MYO1E: variants seen among roughly 807,000 people sequenced by gnomAD.
MYO1E encodes the protein unconventional myosin-Ie.
A neutral mutation model predicts 151.1 loss-of-function variants in MYO1E; 68 were observed. The observed-to-expected ratio is 0.45, with a 90% CI of 0.37 to 0.55. The LOEUF (loss-of-function observed/expected upper bound fraction) is 0.55. Ranked by LOEUF, MYO1E falls within the 20% of genes least tolerant of loss-of-function variation. The probability of loss-of-function intolerance (pLI) is 0.00; values close to 1 mark genes in which losing one functional copy is unlikely to be tolerated. For missense variants in MYO1E, 1,363 were observed against 1,389.3 expected (o/e 0.98, Z 0.30); for synonymous variants, 601 against 501.7 (o/e 1.20, Z -2.64).
At chr15:59,140,382 G>A (rs1228100375) in intron 26 of MYO1E, among the ~76,000 whole-genome samples, 2 of 152,084 alleles carry the variant, frequency 1.3e-5, no homozygotes, top group South Asian at 2.1e-4. Context: ...AAAGCATTTA[G>A]CAAAAACAAA....
intron 22 of MYO1E, 134 bp downstream of exon 22, chr15:59,171,763 G>A: frequency 1.7e-6 from 2 of 1,180,852 alleles, no homozygotes; most frequent in Non-Finnish European, 2.5e-6. Context: ...GGGACAAAGG[G>A]AAATTCCATT....
chr15:59,228,525 T>C (rs768908724), intron 6 of MYO1E, among the ~76,000 whole-genome samples: 4 of 151,204 alleles, frequency 2.6e-5, no homozygotes, highest in Non-Finnish European at 4.4e-5. Flanking sequence ...ACAATTATTA[T>C]ATATATTTCA....
intron 24 of MYO1E, among the ~76,000 whole-genome samples, chr15:59,160,786 G>C (rs763419819): frequency 6.6e-6 from 1 of 152,016 alleles, no homozygotes; most frequent in Non-Finnish European, 1.5e-5. Flanking sequence ...GACTGGAAAG[G>C]GAGGGGAAAT....
intron 1 of MYO1E, among the ~76,000 whole-genome samples, chr15:59,362,976 C>CT (rs34810328): frequency 0.049 from 6,225 of 127,524 alleles, 494 homozygotes; most frequent in African/African-American, 0.14. Context: ...GTATGACTTT[C>CT]TTTTTTTTTT....
At chr15:59,178,907 C>T (rs2079641882) in intron 18 of MYO1E, among the ~76,000 whole-genome samples, 1 of 152,228 alleles carries the variant, frequency 6.6e-6, no homozygotes, top group African/African-American at 2.4e-5. Flanking sequence ...CTGACTTCTT[C>T]AGGGCATTTA....
intron 9 of MYO1E, among the ~76,000 whole-genome samples, chr15:59,219,559 T>G (rs1292272191): frequency 8.5e-5 from 13 of 152,220 alleles, no homozygotes; most frequent in Admixed American, 8.5e-4. Context: ...GAATACATTT[T>G]GAAAAAGTAT....
intron 1 of MYO1E, among the ~76,000 whole-genome samples, chr15:59,357,196 G>A (rs1174871965): frequency 2.0e-5 from 3 of 151,286 alleles, no homozygotes; most frequent in Admixed American, 6.6e-5. Context: ...GTGAGCCACC[G>A]TGCCTGGTCC....
chr15:59,307,785 T>C (rs1596410182), intron 1 of MYO1E, among the ~76,000 whole-genome samples: 1 of 151,868 alleles, frequency 6.6e-6, no homozygotes. Flanking sequence ...TAACTTTCTA[T>C]CTTTAGTAGA....
chr15:59,339,766 CTGCT>C (rs1203647425), intron 1 of MYO1E, among the ~76,000 whole-genome samples: 1 of 152,194 alleles, frequency 6.6e-6, no homozygotes, highest in Middle Eastern at 3.2e-3. Context: ...GGCCTGAAGA[CTGCT>C]TGAGCCCAGG....
At chr15:59,328,733 C>T (rs1397397932) in intron 1 of MYO1E, among the ~76,000 whole-genome samples, 1 of 152,074 alleles carries the variant, frequency 6.6e-6, no homozygotes, top group Non-Finnish European at 1.5e-5. Context: ...CTGTAGAAGA[C>T]TCTGGTGTGG....
At position 59,251,577 on chromosome 15, in the gene MYO1E, C is replaced by T. The variant is rs566851303; in HGVS notation, c.332+4707G>A. On this transcript the variant is annotated intron_variant, in intron 4 of 27. Coordinates refer to ENST00000288235, the MANE Select transcript of MYO1E (RefSeq NM_004998.4). Reference sequence around the variant, plus strand: ...ATTACTGAGTTATGATAATGGTCTTCGGATCAGTAAGAAAATGTTTCAATT... The same window carrying T: ...ATTACTGAGTTATGATAATGGTCTTTGGATCAGTAAGAAAATGTTTCAATT... Among the ~76,000 whole-genome samples, 20 of 152,160 alleles carry T rather than the reference C, an allele frequency of 1.3e-4. No individual in the cohort carries two copies. The East Asian group carries it at 1.7e-3, about 13-fold the overall frequency.
chr15:59,276,286 C>T (rs536439819), intron 1 of MYO1E, among the ~76,000 whole-genome samples: 33 of 152,070 alleles, frequency 2.2e-4, no homozygotes, highest in Non-Finnish European at 3.8e-4. Context: ...GACTCTCAGG[C>T]GAGCTTCATT....
intron 26 of MYO1E, among the ~76,000 whole-genome samples, chr15:59,141,238 C>A (rs1317062930): frequency 6.6e-6 from 1 of 152,120 alleles, no homozygotes; most frequent in East Asian, 1.9e-4. Flanking sequence ...TGGAAGGACA[C>A]AGATGCACAC....
At chr15:59,285,300 G>A (rs1168095505) in intron 1 of MYO1E, among the ~76,000 whole-genome samples, 4 of 147,852 alleles carry the variant, frequency 2.7e-5, no homozygotes, top group African/African-American at 4.9e-5. Flanking sequence ...GAAAGATCAC[G>A]TAAGGCCAGG....
intron 22 of MYO1E, among the ~76,000 whole-genome samples, chr15:59,170,598 C>CA (rs796178782): frequency 4.7e-4 from 71 of 150,650 alleles, no homozygotes; most frequent in African/African-American, 9.3e-4. Flanking sequence ...AAAAAAAAAA[C>CA]AAAAAAAACA....
At chr15:59,294,505 G>C (rs1044549592) in intron 1 of MYO1E, among the ~76,000 whole-genome samples, 14 of 152,190 alleles carry the variant, frequency 9.2e-5, no homozygotes, top group African/African-American at 2.7e-4. Flanking sequence ...AGAGATAGCT[G>C]TGCTTGGTCA....
At chr15:59,287,159 A>G (rs1334536283) in intron 1 of MYO1E, among the ~76,000 whole-genome samples, 1 of 152,104 alleles carries the variant, frequency 6.6e-6, no homozygotes, top group Non-Finnish European at 1.5e-5. Flanking sequence ...AGGGGTGGGG[A>G]AAATTAAGAA....
intron 1 of MYO1E, among the ~76,000 whole-genome samples, chr15:59,343,637 T>C (rs2080777803): frequency 6.6e-6 from 1 of 152,182 alleles, no homozygotes; most frequent in Admixed American, 6.5e-5. Flanking sequence ...CCAATAATTC[T>C]TGGATTTGCC....
chr15:59,336,197 G>A (rs1166418127), intron 1 of MYO1E, among the ~76,000 whole-genome samples: 2 of 151,822 alleles, frequency 1.3e-5, no homozygotes, highest in East Asian at 1.9e-4. Context: ...ATGCCAAAAC[G>A]CCATGTCTAA....
Sources: gnomAD v4.1 joint callset for allele counts (sites outside exome capture counted in the v4.1 genomes callset) on GRCh38, gnomAD v4.1.1 for gene constraint, MANE v1.5 for transcripts, NCBI Gene and HGNC (gene_info 2026-07-23, HGNC 2026-07-21) for gene names.